Variants in CCDC91 observed in about 807,000 individuals in gnomAD.
CCDC91 encodes coiled-coil domain-containing protein 91.
In CCDC91, 48 loss-of-function variants were observed where a neutral mutation model predicts 63.2. The ratio of observed to expected loss-of-function variants is 0.76; its 90% confidence interval spans 0.60 to 0.97. The LOEUF is 0.97. Ranked by LOEUF, CCDC91 falls within the 50% of genes least tolerant of loss-of-function variation. CCDC91 has a pLI of 0.00. For missense variants in CCDC91, 500 were observed against 494.6 expected, an observed-to-expected ratio of 1.01 and a Z score of -0.10; for synonymous variants, 167 against 165.8, an observed-to-expected ratio of 1.01 and a Z score of -0.06.
At chr12:28,264,177 A>G (rs1241724560) in intron 3 of CCDC91, among the ~76,000 whole-genome samples, 1 of 151,734 alleles carries the variant, frequency 6.6e-6, no homozygotes, top group Non-Finnish European at 1.5e-5. Context: ...ACTAGACTAA[A>G]TTTTAGTTTA....
intron 1 of CCDC91, among the ~76,000 whole-genome samples, chr12:28,251,502 T>C (rs564959631): frequency 6.6e-6 from 1 of 152,218 alleles, no homozygotes; most frequent in South Asian, 2.1e-4. Flanking sequence ...TTTCTCAGAA[T>C]ATTTTGATAG....
intron 6 of CCDC91, among the ~76,000 whole-genome samples, chr12:28,320,895 T>C (rs1351116): frequency 5.3e-4 from 81 of 152,002 alleles, no homozygotes; most frequent in Middle Eastern, 3.4e-3. Context: ...TTAAGCGATA[T>C]TGCTATATAT....
chr12:28,335,539 G>A (rs1292531456), intron 6 of CCDC91, among the ~76,000 whole-genome samples: 1 of 150,698 alleles, frequency 6.6e-6, no homozygotes, highest in Non-Finnish European at 1.5e-5. Flanking sequence ...TCTTGAGTGG[G>A]TGGGGCTACA....
intron 1 of CCDC91, among the ~76,000 whole-genome samples, chr12:28,225,384 C>T (rs1944202961): frequency 6.6e-6 from 1 of 152,030 alleles, no homozygotes; most frequent in South Asian, 2.1e-4. Flanking sequence ...GCTAGAAAAA[C>T]ATGCAAATAA....
At chr12:28,268,790 T>C (rs1294797782) in intron 3 of CCDC91, 18 of 461,174 alleles carry the variant, frequency 3.9e-5, no homozygotes, top group Non-Finnish European at 5.1e-5. Flanking sequence ...TAGTGCAATA[T>C]GAGACTAAGA....
chr12:28,496,940 A>ATGCG (rs1952326625), intron 12 of CCDC91, among the ~76,000 whole-genome samples: 3 of 138,570 alleles, frequency 2.2e-5, no homozygotes, highest in African/African-American at 5.2e-5. Context: ...ACATATATAT[A>ATGCG]TACATATATA....
At chr12:28,274,658 A>G (rs1033030263) in intron 3 of CCDC91, among the ~76,000 whole-genome samples, 3 of 152,100 alleles carry the variant, frequency 2.0e-5, no homozygotes, top group Non-Finnish European at 2.9e-5. Context: ...TTATTGGTGT[A>G]TAAGAATGCT....
chr12:28,222,117 T>C (rs907171289), intron 1 of CCDC91, among the ~76,000 whole-genome samples: 14 of 152,204 alleles, frequency 9.2e-5, no homozygotes, highest in Non-Finnish European at 2.1e-4. Context: ...TTCTAGTTGC[T>C]TTTTCTCATC....
At chr12:28,338,248 C>G (rs990956492) in intron 6 of CCDC91, among the ~76,000 whole-genome samples, 1 of 107,298 alleles carries the variant, frequency 9.3e-6, no homozygotes, top group African/African-American at 3.1e-5. Flanking sequence ...AGGTATTGGC[C>G]CTTATGGATC....
intron 10 of CCDC91, 55 bp from the exon 11 acceptor site, chr12:28,452,423 C>T (rs1949851679): frequency 1.6e-6 from 2 of 1,221,658 alleles, no homozygotes; most frequent in East Asian, 4.8e-5. Flanking sequence ...GTCTGTTACT[C>T]AAGAAATTAT....
intron 1 of CCDC91, among the ~76,000 whole-genome samples, chr12:28,193,670 C>T (rs1158926790): frequency 6.6e-6 from 1 of 151,926 alleles, no homozygotes; most frequent in African/African-American, 2.4e-5. Flanking sequence ...TTTTGCATTC[C>T]CGCAAGTGAT....
chr12:28,408,918 C>T (rs1210499095), intron 8 of CCDC91, among the ~76,000 whole-genome samples: 1 of 152,158 alleles, frequency 6.6e-6, no homozygotes, highest in East Asian at 1.9e-4. Flanking sequence ...GCTGGGATTA[C>T]AGGGGTGAGT....
intron 7 of CCDC91, among the ~76,000 whole-genome samples, chr12:28,388,476 T>C (rs1437855552): frequency 1.6e-4 from 24 of 152,118 alleles, no homozygotes; most frequent in Non-Finnish European, 2.9e-4. Flanking sequence ...GCAACCAAAC[T>C]GAGAATCAAA....
At chr12:28,228,501 ATTCTTATCGATGGTAACCAGGC>A (rs1417400716) in intron 1 of CCDC91, among the ~76,000 whole-genome samples, 2 of 152,094 alleles carry the variant, frequency 1.3e-5, no homozygotes, top group East Asian at 3.9e-4. Context: ...CGAATACAGA[ATTCTTATCGATGGTAACCAGGC>A]TTCTGCTTGA....
At chr12:28,333,810 C>T (rs922960362) in intron 6 of CCDC91, among the ~76,000 whole-genome samples, 3 of 152,300 alleles carry the variant, frequency 2.0e-5, no homozygotes, top group African/African-American at 4.8e-5. Context: ...GTTTCTCACA[C>T]GTGTAATTTG....
chr12:28,522,099 G>T (rs1940744728), intron 12 of CCDC91, among the ~76,000 whole-genome samples: 1 of 152,142 alleles, frequency 6.6e-6, no homozygotes, highest in South Asian at 2.1e-4. Context: ...AATGAGTTAG[G>T]GAGGATTCCC....
intron 1 of CCDC91, among the ~76,000 whole-genome samples, chr12:28,253,352 T>C (rs1440640865): frequency 6.6e-6 from 1 of 152,134 alleles, no homozygotes; most frequent in South Asian, 2.1e-4. Context: ...CCCCAAGATA[T>C]AACTTCACCT....
At chr12:28,373,228 C>G (rs1387218374) in intron 7 of CCDC91, among the ~76,000 whole-genome samples, 9 of 152,166 alleles carry the variant, frequency 5.9e-5, no homozygotes, top group African/African-American at 2.2e-4. Context: ...TTCTCTTATA[C>G]ACTATGAGTT....
chr12:28,523,962 A>T (rs1022621085), intron 12 of CCDC91, among the ~76,000 whole-genome samples: 2 of 152,060 alleles, frequency 1.3e-5, no homozygotes, highest in South Asian at 2.1e-4. Context: ...CGCCACAAAG[A>T]TACTCCTCAA....
Sources: allele counts gnomAD v4.1 joint callset (sites outside exome capture counted in the v4.1 genomes callset), GRCh38; gene constraint gnomAD v4.1.1; transcripts MANE v1.5; gene names NCBI Gene and HGNC (gene_info 2026-07-23, HGNC 2026-07-21).